RANBP2: variants seen among roughly 807,000 people sequenced by gnomAD.
The protein encoded by RANBP2 is E3 SUMO-protein ligase RanBP2.
In RANBP2, 57 loss-of-function variants were observed where a neutral mutation model predicts 303.6. The ratio of observed to expected loss-of-function variants is 0.19; its 90% CI spans 0.15 to 0.23. The LOEUF (loss-of-function observed/expected upper bound fraction) is 0.23, where lower values mean the gene tolerates loss of function less well. Ranked by LOEUF, RANBP2 falls within the 10% of genes least tolerant of loss-of-function variation. The pLI is 1.00. For synonymous variants in RANBP2, 1,167 were observed against 1,301.5 expected (o/e 0.90, Z 2.23); for missense variants, 3,138 against 3,780.8 (o/e 0.83, Z 4.46).
At chr2:108,890,854 C>A in the RANBP2 span, among the ~76,000 whole-genome samples, 2 of 152,054 alleles carry the variant, frequency 1.3e-5, no homozygotes, top group South Asian at 4.1e-4. Context: ...TTTACTCATT[C>A]TGTTTTATTC....
the RANBP2 span, among the ~76,000 whole-genome samples, chr2:109,688,038 G>C: frequency 6.6e-6 from 1 of 152,182 alleles, no homozygotes; most frequent in Non-Finnish European, 1.5e-5. Flanking sequence ...GCCTGGGTGG[G>C]AGAGGGTGGT....
At chr2:109,487,148 C>T in the RANBP2 span, among the ~76,000 whole-genome samples, 2 of 152,204 alleles carry the variant, frequency 1.3e-5, no homozygotes, top group South Asian at 2.1e-4. Context: ...TGCTTACTCC[C>T]AGTCCCAGGA....
At chr2:109,178,950 G>A in the RANBP2 span, among the ~76,000 whole-genome samples, 41 of 151,568 alleles carry the variant, frequency 2.7e-4, no homozygotes, top group African/African-American at 7.7e-4. Flanking sequence ...TTAACTTTTC[G>A]TGTTTGTGTG....
the RANBP2 span, among the ~76,000 whole-genome samples, chr2:109,282,175 T>G: frequency 0.65 from 98,169 of 151,890 alleles, 31,996 homozygotes; most frequent in East Asian, 0.86. Context: ...GCAGCTATTT[T>G]TCTTTTTATC....
the RANBP2 span, among the ~76,000 whole-genome samples, chr2:109,179,574 A>G: frequency 2.0e-5 from 3 of 152,228 alleles, no homozygotes; most frequent in African/African-American, 7.2e-5. Context: ...AGAACATGGT[A>G]CTGGCATCTG....
At chr2:109,395,548 T>A in the RANBP2 span, among the ~76,000 whole-genome samples, 14 of 152,280 alleles carry the variant, frequency 9.2e-5, no homozygotes, top group Admixed American at 9.1e-4. Flanking sequence ...CTGCCTATCT[T>A]GGTGGAAGCT....
the RANBP2 span, among the ~76,000 whole-genome samples, chr2:109,156,226 G>T: frequency 6.6e-6 from 1 of 152,168 alleles, no homozygotes; most frequent in East Asian, 1.9e-4. Flanking sequence ...TGGGTTGAGG[G>T]GGCTGGCAGT....
chr2:109,199,843 G>C, the RANBP2 span, among the ~76,000 whole-genome samples: 2 of 52,080 alleles, frequency 3.8e-5, no homozygotes, highest in Non-Finnish European at 9.0e-5. Flanking sequence ...GGAATGGAAT[G>C]GAATGGAAAT....
the RANBP2 span, among the ~76,000 whole-genome samples, chr2:109,298,203 G>T: frequency 6.6e-6 from 1 of 152,310 alleles, no homozygotes; most frequent in South Asian, 2.1e-4. Context: ...TCACCAAATA[G>T]ATGCAGAGAA....
At chr2:109,490,858 A>G in the RANBP2 span, 4 of 1,535,854 alleles carry the variant, frequency 2.6e-6, no homozygotes, top group East Asian at 2.4e-5. Flanking sequence ...TTGGATCTAA[A>G]CTTCACATCT....
chr2:109,341,928 A>G, the RANBP2 span, among the ~76,000 whole-genome samples: 1,325 of 152,270 alleles, frequency 8.7e-3, 13 homozygotes, highest in East Asian at 0.043. Flanking sequence ...CTGACAGACA[A>G]AAGAAGCAGA....
the RANBP2 span, among the ~76,000 whole-genome samples, chr2:108,985,335 A>G: frequency 6.6e-6 from 1 of 152,140 alleles, no homozygotes; most frequent in Admixed American, 6.5e-5. Context: ...CGTCCGACTC[A>G]CAAGTGAAGG....
chr2:109,199,995 G>A, the RANBP2 span, among the ~76,000 whole-genome samples: 1 of 152,076 alleles, frequency 6.6e-6, no homozygotes, highest in East Asian at 1.9e-4. Flanking sequence ...CACAGCTAAG[G>A]TGGGGTGGGT....
the RANBP2 span, among the ~76,000 whole-genome samples, chr2:109,712,453 A>G: frequency 1.3e-5 from 2 of 151,940 alleles, no homozygotes; most frequent in Non-Finnish European, 2.9e-5. Context: ...TTTTTTTGAG[A>G]TTGAGTCTTG....
chr2:109,266,829 A>G, the RANBP2 span, among the ~76,000 whole-genome samples: 1 of 152,106 alleles, frequency 6.6e-6, no homozygotes. Context: ...ACCTCATGTT[A>G]TTTAATCACC....
At chr2:109,320,919 C>T in the RANBP2 span, among the ~76,000 whole-genome samples, 1 of 152,226 alleles carries the variant, frequency 6.6e-6, no homozygotes, top group Admixed American at 6.5e-5. Flanking sequence ...ACCACAAACA[C>T]TTCATCTGTA....
rs1288982638 is a variant in RANBP2 at position 108,781,319 on chromosome 2, T to G, written c.8650T>G (p.Ser2884Ala). ...TGGAGCAGCTGTGTTTGGAACACAG[T>G]CAGTCGGAACCCAGTCAGCCGGTAA... ...NTGAAVFGTQ[S>A]VGTQSAGKVG... Residue 2884 changes from serine to alanine, a missense_variant, in exon 26 of 29, where the codon TCA becomes GCA. Ser to Ala is a moderately conservative substitution (Grantham distance 99). Transcript: ENST00000283195. The G allele has an allele frequency of 1.2e-6, 2 of 1,614,002 alleles. No homozygotes were observed. Among genetic ancestry groups the G allele is most frequent in the African/African-American group, 2.7e-5 (2 of 74,916 alleles).
chr2:109,714,658 C>T, the RANBP2 span, among the ~76,000 whole-genome samples: 1 of 151,710 alleles, frequency 6.6e-6, no homozygotes, highest in Non-Finnish European at 1.5e-5. Flanking sequence ...ATTGCCCAGG[C>T]TGGAGTGCAG....
chr2:109,674,489 C>T, the RANBP2 span, among the ~76,000 whole-genome samples: 3 of 149,364 alleles, frequency 2.0e-5, no homozygotes, highest in Admixed American at 6.7e-5. Context: ...GAGGCTGAGG[C>T]GGGATTGCTT....
Sources: gnomAD v4.1 joint callset for allele counts (sites outside exome capture counted in the v4.1 genomes callset) on GRCh38, gnomAD v4.1.1 for gene constraint, MANE v1.5 for transcripts, NCBI Gene and HGNC (gene_info 2026-07-23, HGNC 2026-07-21) for gene names.